Variants in SH3GL3 observed in about 807,000 individuals in gnomAD.
SH3GL3 encodes SH3 domain containing GRB2 like 3, endophilin A3, also known as endophilin-A3.
In SH3GL3, 33 loss-of-function variants were observed where a neutral mutation model predicts 47.7. The ratio of observed to expected loss-of-function variants is 0.69; its 90% CI spans 0.52 to 0.92. The LOEUF (loss-of-function observed/expected upper bound fraction) is 0.92. Among genes scored for constraint, SH3GL3 ranks in the 40% least tolerant of loss-of-function variants. SH3GL3 has a pLI of 0.00. For missense variants in SH3GL3, 363 were observed against 417.8 expected, an observed-to-expected ratio of 0.87 and a Z score of 1.14; for synonymous variants, 155 against 148.8, an observed-to-expected ratio of 1.04 and a Z score of -0.30.
intron 1 of SH3GL3, among the ~76,000 whole-genome samples, chr15:83,548,171 T>A (rs1019836097): frequency 2.0e-5 from 3 of 151,808 alleles, no homozygotes; most frequent in African/African-American, 7.2e-5. Context: ...TTTTGTGCTA[T>A]CATTTTTATG....
intron 8 of SH3GL3, among the ~76,000 whole-genome samples, chr15:83,610,492 T>G (rs755703485): frequency 5.3e-5 from 8 of 151,856 alleles, no homozygotes; most frequent in Non-Finnish European, 1.2e-4. Flanking sequence ...AGCAGGGCAC[T>G]GTACTGCAGC....
At chr15:83,592,714 G>A (rs2060139850) in intron 8 of SH3GL3, among the ~76,000 whole-genome samples, 1 of 152,000 alleles carries the variant, frequency 6.6e-6, no homozygotes, top group African/African-American at 2.4e-5. Flanking sequence ...CTCTTGATTT[G>A]GTGTGAAATG....
chr15:83,507,533 G>A (rs376902447), intron 1 of SH3GL3, among the ~76,000 whole-genome samples: 1 of 151,794 alleles, frequency 6.6e-6, no homozygotes, highest in East Asian at 1.9e-4. Context: ...TCCTGCCTCT[G>A]CCTCCCGAGT....
chr15:83,540,108 C>T (rs1393659152), intron 1 of SH3GL3, among the ~76,000 whole-genome samples: 1 of 151,994 alleles, frequency 6.6e-6, no homozygotes, highest in Admixed American at 6.5e-5. Flanking sequence ...GTTTAATTTC[C>T]AAATAATTGG....
intron 1 of SH3GL3, among the ~76,000 whole-genome samples, chr15:83,538,568 G>T (rs1379316894): frequency 6.6e-6 from 1 of 152,024 alleles, no homozygotes; most frequent in Non-Finnish European, 1.5e-5. Context: ...TCCTGTTTTT[G>T]AATATTGTAT....
chr15:83,467,976 C>T (rs909472227), intron 1 of SH3GL3, among the ~76,000 whole-genome samples: 8 of 152,144 alleles, frequency 5.3e-5, no homozygotes, highest in African/African-American at 9.6e-5. Flanking sequence ...TACAGGTGCC[C>T]GCCACCACGC....
Position 83,448,442 on chromosome 15 carries a change from A to ATGTGTGTGTGTGTGTGTGTGTGTG in SH3GL3, c.45+880_45+903dup, listed in dbSNP as rs71156081. ...AAACAGGAGGGGAGACATGAAATTG[A>ATGTGTGTGTGTGTGTGTGTGTGTG]TGTGTGTGTGTGTGTGTGTGTGTGT... On this transcript the variant is annotated intron_variant, in intron 1 of 8. Transcript: ENST00000427482. This position sits in a 1 kb window ranked among gnomAD's most constrained non-coding sequence, Gnocchi z 4.2. Among the ~76,000 whole-genome samples, 33 of 140,640 alleles carry ATGTGTGTGTGTGTGTGTGTGTGTG rather than the reference A, an allele frequency of 2.3e-4. No homozygotes were observed. The highest frequency in any genetic ancestry group is 7.7e-4 in the African/African-American group (28 of 36,306). The allele number at this position is 140,640 out of a possible 152,430, so 92.3% of individuals were successfully genotyped here.
intron 8 of SH3GL3, among the ~76,000 whole-genome samples, chr15:83,597,262 A>G (rs1350058236): frequency 6.6e-6 from 1 of 152,198 alleles, no homozygotes; most frequent in East Asian, 1.9e-4. Flanking sequence ...CCCTGCCTCC[A>G]TTGTCAGATC....
At chr15:83,581,868 C>T (rs527854050) in intron 6 of SH3GL3, among the ~76,000 whole-genome samples, 54 of 152,350 alleles carry the variant, frequency 3.5e-4, no homozygotes, top group Middle Eastern at 3.4e-3. Flanking sequence ...AGCATCTCTT[C>T]ACATCTTGCC....
chr15:83,450,520 G>C (rs1252847322), intron 1 of SH3GL3, among the ~76,000 whole-genome samples: 1 of 151,766 alleles, frequency 6.6e-6, no homozygotes, highest in Non-Finnish European at 1.5e-5. Flanking sequence ...CCCTATCTCT[G>C]GGAAAAAACC....
intron 2 of SH3GL3, among the ~76,000 whole-genome samples, chr15:83,561,809 G>A (rs2045287755): frequency 6.6e-6 from 1 of 152,132 alleles, no homozygotes; most frequent in Admixed American, 6.5e-5. Context: ...CTCTCACTCA[G>A]GGACTGGGCC....
chr15:83,509,317 T>C (rs2042648211), intron 1 of SH3GL3, among the ~76,000 whole-genome samples: 1 of 152,168 alleles, frequency 6.6e-6, no homozygotes, highest in Non-Finnish European at 1.5e-5. Flanking sequence ...CCCACCAACT[T>C]TGGAGAGGAC....
At chr15:83,614,470 A>G (rs995238995) in intron 8 of SH3GL3, among the ~76,000 whole-genome samples, 1 of 152,136 alleles carries the variant, frequency 6.6e-6, no homozygotes, top group African/African-American at 2.4e-5. Flanking sequence ...GAGCTCCCCT[A>G]CCATTACCCC....
intron 8 of SH3GL3, among the ~76,000 whole-genome samples, chr15:83,597,527 C>CTAG (rs2060265041): frequency 6.6e-6 from 1 of 152,002 alleles, no homozygotes; most frequent in Non-Finnish European, 1.5e-5. Context: ...TTACAAGTAA[C>CTAG]TAGACCTTTC....
At chr15:83,519,813 T>C (rs2043133008) in intron 1 of SH3GL3, among the ~76,000 whole-genome samples, 1 of 152,192 alleles carries the variant, frequency 6.6e-6, no homozygotes, top group Non-Finnish European at 1.5e-5. Context: ...TACGTAGCTG[T>C]TTTAGACATC....
At position 83,482,060 on chromosome 15, in the gene SH3GL3, C is replaced by G. The variant is rs540445525; in HGVS notation, c.45+34482C>G. On this transcript the variant is annotated intron_variant, in intron 1 of 8. Transcript: ENST00000427482. ...CCTGTTTGCCATTTCCTTGCCAACACTGGGTCTTGCCATTCATTTGAAATG... is the reference window on the plus strand; with the variant it reads ...CCTGTTTGCCATTTCCTTGCCAACAGTGGGTCTTGCCATTCATTTGAAATG... 6.1e-4 allele frequency among the ~76,000 whole-genome samples: 93 copies of G among 152,334 alleles called. 1 individual carries two copies. The highest frequency in any genetic ancestry group is 2.1e-3 in the African/African-American group (89 of 41,584).
chr15:83,532,778 G>A (rs2043738502), intron 1 of SH3GL3, among the ~76,000 whole-genome samples: 1 of 152,182 alleles, frequency 6.6e-6, no homozygotes, highest in African/African-American at 2.4e-5. Flanking sequence ...AATTCTCGAA[G>A]CTTATTCCTT....
At position 83,525,351 on chromosome 15, in the gene SH3GL3, CGTGTGTGT is replaced by C. The variant is rs3078536; in HGVS notation, c.46-33881_46-33874del. Reference sequence around the variant, plus strand: ...GCTATTTTAAATGAGATTCTTTGTGCGTGTGTGTGTGTGTGTGTGTGTGTGTGTTTTGC... The same window carrying C: ...GCTATTTTAAATGAGATTCTTTGTGCGTGTGTGTGTGTGTGTGTGTTTTGC... On this transcript the variant is annotated intron_variant, in intron 1 of 8. Coordinates refer to ENST00000427482, the MANE Select transcript of SH3GL3 (RefSeq NM_003027.5). Among the ~76,000 whole-genome samples, 495 of 148,104 alleles carry C rather than the reference CGTGTGTGT, an allele frequency of 3.3e-3. 5 individuals are homozygous for C. The highest frequency in any genetic ancestry group is 0.012 in the African/African-American group (473 of 40,154).
chr15:83,586,137 C>T (rs1378354056), intron 6 of SH3GL3, among the ~76,000 whole-genome samples: 1 of 152,174 alleles, frequency 6.6e-6, no homozygotes, highest in Non-Finnish European at 1.5e-5. Flanking sequence ...AGGCCCATCA[C>T]CTCAACCCTC....
Sources: gnomAD v4.1 joint callset for allele counts (sites outside exome capture counted in the v4.1 genomes callset) on GRCh38, gnomAD v4.1.1 for gene constraint, Gnocchi (gnomAD v3.1) non-coding constraint, MANE v1.5 for transcripts, NCBI Gene and HGNC (gene_info 2026-07-23, HGNC 2026-07-21) for gene names.